PKHD1: variants seen among roughly 807,000 people sequenced by gnomAD.
PKHD1 encodes the protein PKHD1 ciliary IPT domain containing fibrocystin/polyductin.
A neutral mutation model predicts 412.0 loss-of-function variants in PKHD1; 291 were observed. That is an observed-to-expected ratio of 0.71 (90% CI 0.64 to 0.78). PKHD1 has a LOEUF of 0.78. Among genes scored for constraint, PKHD1 ranks in the 30% least tolerant of loss-of-function variants. PKHD1 has a pLI of 0.00. For missense variants in PKHD1, 4,825 were observed against 4,950.7 expected (o/e 0.97, Z 0.76); for synonymous variants, 1,777 against 1,821.5 (o/e 0.98, Z 0.62).
At chr6:51,827,971 G>A (rs1767603066) in intron 52 of PKHD1, among the ~76,000 whole-genome samples, 1 of 152,020 alleles carries the variant, frequency 6.6e-6, no homozygotes, top group Admixed American at 6.6e-5. Flanking sequence ...TCTTTGGGAA[G>A]TATCTCCAGT....
chr6:52,055,501 T>C (rs1807568792), intron 19 of PKHD1, 86 bp downstream of exon 19: 2 of 1,467,548 alleles, frequency 1.4e-6, no homozygotes, highest in South Asian at 2.3e-5. Flanking sequence ...ATCACTCCTT[T>C]GTGCTTCTGA....
chr6:51,808,469 CTA>C (rs1392576272), intron 52 of PKHD1, among the ~76,000 whole-genome samples: 5 of 151,824 alleles, frequency 3.3e-5, no homozygotes, highest in Non-Finnish European at 7.4e-5. Context: ...AAAGTAGAGA[CTA>C]GTCATAATTT....
chr6:52,079,155 C>T (rs16882077), intron 5 of PKHD1, among the ~76,000 whole-genome samples: 42,194 of 152,064 alleles, frequency 0.28, 6,059 homozygotes, highest in East Asian at 0.43. Flanking sequence ...CATCTAGGAC[C>T]TTTTCAGAGA....
At chr6:51,921,398 AT>A (rs1373880777) in intron 37 of PKHD1, among the ~76,000 whole-genome samples, 2 of 152,080 alleles carry the variant, frequency 1.3e-5, no homozygotes, top group African/African-American at 4.8e-5. Flanking sequence ...TCTGACAATT[AT>A]GTGTCTTGGG....
intron 46 of PKHD1, among the ~76,000 whole-genome samples, chr6:51,878,925 A>C (rs1466073057): frequency 1.3e-5 from 1 of 76,474 alleles, no homozygotes; most frequent in Non-Finnish European, 2.2e-5. Flanking sequence ...GTCTCAGGAT[A>C]CAAAATCAAT....
intron 37 of PKHD1, among the ~76,000 whole-genome samples, chr6:51,920,543 G>T (rs984639116): frequency 6.6e-6 from 1 of 152,042 alleles, no homozygotes; most frequent in Non-Finnish European, 1.5e-5. Flanking sequence ...TTTTATTGAG[G>T]ATTTTTGCAT....
intron 5 of PKHD1, among the ~76,000 whole-genome samples, chr6:52,079,045 A>C (rs1177307870): frequency 2.0e-5 from 3 of 152,194 alleles, no homozygotes; most frequent in Non-Finnish European, 4.4e-5. Flanking sequence ...TTCATTAGTG[A>C]CTGCATTGTA....
At chr6:51,670,600 C>A (rs1389128222) in intron 60 of PKHD1, among the ~76,000 whole-genome samples, 1 of 151,358 alleles carries the variant, frequency 6.6e-6, no homozygotes, top group Admixed American at 6.6e-5. Context: ...ATGATGTTAG[C>A]TGGTTATTTT....
At chr6:51,936,512 T>C (rs150590789) in intron 36 of PKHD1, among the ~76,000 whole-genome samples, 2 of 152,286 alleles carry the variant, frequency 1.3e-5, no homozygotes, top group African/African-American at 4.8e-5. Flanking sequence ...CAGCTGGAAG[T>C]AGTTAAACAT....
intron 35 of PKHD1, among the ~76,000 whole-genome samples, chr6:51,973,411 G>A (rs898314310): frequency 6.6e-6 from 1 of 151,998 alleles, no homozygotes; most frequent in African/African-American, 2.4e-5. Flanking sequence ...TCTAAACTTG[G>A]GCATATAACA....
At chr6:51,889,935 A>G (rs1354171160) in intron 43 of PKHD1, among the ~76,000 whole-genome samples, 1 of 152,142 alleles carries the variant, frequency 6.6e-6, no homozygotes, top group Non-Finnish European at 1.5e-5. Flanking sequence ...GGGAGAATCC[A>G]TTGCCAGGTA....
intron 33 of PKHD1, among the ~76,000 whole-genome samples, chr6:52,020,897 T>C (rs903822308): frequency 8.7e-6 from 1 of 114,668 alleles, no homozygotes; most frequent in Non-Finnish European, 1.8e-5. Flanking sequence ...ATGTCCATTA[T>C]AGACCTACTT....
intron 35 of PKHD1, among the ~76,000 whole-genome samples, chr6:51,988,591 C>T (rs986645899): frequency 3.3e-5 from 5 of 152,208 alleles, no homozygotes; most frequent in Non-Finnish European, 7.3e-5. Context: ...GGCCACATTA[C>T]AGCCAACTAC....
chr6:51,767,161 T>C (rs189442519), intron 55 of PKHD1, among the ~76,000 whole-genome samples: 41 of 152,200 alleles, frequency 2.7e-4, no homozygotes, highest in Non-Finnish European at 4.7e-4. Context: ...GTTTATTTCT[T>C]GGTATTCTTT....
intron 55 of PKHD1, among the ~76,000 whole-genome samples, chr6:51,767,790 T>C (rs1789367286): frequency 6.6e-6 from 1 of 152,252 alleles, no homozygotes; most frequent in Non-Finnish European, 1.5e-5. Flanking sequence ...TGTGCATGTG[T>C]CTTTATAGCA....
chr6:52,035,547 G>C (rs759113390), intron 28 of PKHD1, 44 bp downstream of exon 28: 2 of 1,572,210 alleles, frequency 1.3e-6, no homozygotes, highest in East Asian at 4.5e-5. Context: ...ATTAACAGTG[G>C]TCACTCACCC....
At chr6:51,705,304 T>C (rs139492779) in intron 60 of PKHD1, among the ~76,000 whole-genome samples, 1 of 152,114 alleles carries the variant, frequency 6.6e-6, no homozygotes, top group Admixed American at 6.6e-5. Context: ...AAGGACAAAA[T>C]ACCAGTCAAT....
intron 50 of PKHD1, 128 bp downstream of exon 50, chr6:51,847,647 C>T (rs941687468): frequency 6.9e-5 from 53 of 764,580 alleles, no homozygotes; most frequent in Non-Finnish European, 1.2e-4. Flanking sequence ...GGAACATTCA[C>T]TCAACCATAA....
intron 11 of PKHD1, 39 bp from the exon 12 acceptor site, chr6:52,066,116 T>A: frequency 1.1e-6 from 1 of 928,810 alleles, no homozygotes; most frequent in Non-Finnish European, 1.8e-6. Flanking sequence ...AGCTTCCAAA[T>A]ATAGACCAGA....
Sources: gnomAD v4.1 joint callset for allele counts (sites outside exome capture counted in the v4.1 genomes callset) on GRCh38, gnomAD v4.1.1 for gene constraint, MANE v1.5 for transcripts, NCBI Gene and HGNC (gene_info 2026-07-23, HGNC 2026-07-21) for gene names.